The following ADAMTS17 variants were observed in gnomAD, a reference collection of about 807,000 sequenced individuals.
The protein encoded by ADAMTS17 is ADAM metallopeptidase with thrombospondin type 1 motif 17.
A neutral mutation model predicts 141.5 loss-of-function variants in ADAMTS17; 113 were observed. That is an observed-to-expected ratio of 0.80 (90% CI 0.69 to 0.93). The LOEUF is 0.93. Among genes scored for constraint, ADAMTS17 ranks in the 40% least tolerant of loss-of-function variants. The probability of loss-of-function intolerance (pLI) is 0.00; values close to 1 mark genes in which losing one functional copy is unlikely to be tolerated. For missense variants in ADAMTS17, 1,659 were observed against 1,517.9 expected (o/e 1.09, Z -1.54); for synonymous variants, 768 against 630.6 (o/e 1.22, Z -3.27).
chr15:99,977,505 C>T (rs1425810365), intron 20 of ADAMTS17, among the ~76,000 whole-genome samples: 1 of 146,962 alleles, frequency 6.8e-6, no homozygotes, highest in Non-Finnish European at 1.5e-5. Context: ...CCTCCACCTC[C>T]CTGGTTGAAG....
At chr15:100,227,960 C>G (rs2042361733) in intron 7 of ADAMTS17, among the ~76,000 whole-genome samples, 1 of 152,212 alleles carries the variant, frequency 6.6e-6, no homozygotes, top group South Asian at 2.1e-4. Context: ...CTGCAGTAAA[C>G]ATGGCCACGT....
chr15:100,061,288 G>A (rs923030383), intron 15 of ADAMTS17, among the ~76,000 whole-genome samples: 5 of 152,188 alleles, frequency 3.3e-5, no homozygotes, highest in African/African-American at 7.2e-5. Flanking sequence ...CCCTGGATGA[G>A]ACACCAAGCC....
intron 15 of ADAMTS17, among the ~76,000 whole-genome samples, chr15:100,060,187 G>A (rs1015320206): frequency 2.0e-5 from 3 of 152,204 alleles, no homozygotes; most frequent in African/African-American, 4.8e-5. Context: ...CATTTCGCCT[G>A]GGCCAGAGAT....
rs34003703 is a variant in ADAMTS17 at position 100,116,132 on chromosome 15, T to TAAAAAAAAAAAAAAA, written c.1888+700_1888+714dup. 3.9e-4 allele frequency among the ~76,000 whole-genome samples: 33 copies of TAAAAAAAAAAAAAAA among 84,780 alleles called. 1 individual carries two copies. The highest frequency in any genetic ancestry group is 2.0e-3 in the South Asian group (4 of 2,030). The allele number at this position is 84,780 out of a possible 152,430, so 55.6% of individuals were successfully genotyped here. A position where few individuals can be genotyped will look rare whatever the true frequency, so the allele number is the denominator to read the frequency against. On this transcript the variant is annotated intron_variant, in intron 13 of 21. Coordinates refer to ENST00000268070, the MANE Select transcript of ADAMTS17 (RefSeq NM_139057.4). ...TTTCCTAAAGAAGAACAGTTTTAGG[T>TAAAAAAAAAAAAAAA]AAAAAAAAAAAAAAAAAAAAAAAAA...
At chr15:100,126,676 T>C (rs532986366) in intron 12 of ADAMTS17, among the ~76,000 whole-genome samples, 30 of 152,194 alleles carry the variant, frequency 2.0e-4, no homozygotes, top group Non-Finnish European at 4.0e-4. Context: ...GAAAAAATGA[T>C]ATTAGGGATG....
intron 20 of ADAMTS17, chr15:99,979,552 C>G (rs2060440608): frequency 6.6e-6 from 1 of 152,042 alleles, no homozygotes; most frequent in African/African-American, 2.4e-5. Flanking sequence ...CGCCAATCCC[C>G]TGCAAAACCA....
intron 3 of ADAMTS17, among the ~76,000 whole-genome samples, chr15:100,317,984 G>T (rs535943181): frequency 6.6e-6 from 1 of 152,120 alleles, no homozygotes; most frequent in Non-Finnish European, 1.5e-5. Flanking sequence ...TTTCAGTAGC[G>T]ACCCGAATGC....
chr15:100,173,147 T>C (rs535705505), intron 8 of ADAMTS17, among the ~76,000 whole-genome samples: 2 of 152,342 alleles, frequency 1.3e-5, no homozygotes, highest in South Asian at 2.1e-4. Context: ...CTTGCACTAT[T>C]TTAACCCAGT....
chr15:99,977,401 ATTTTTTTTTTTT>A (rs71151928), intron 20 of ADAMTS17, among the ~76,000 whole-genome samples: 4 of 5,158 alleles, frequency 7.8e-4, no homozygotes, highest in Non-Finnish European at 1.1e-3. Context: ...TATATATATA[ATTTTTTTTTTTT>A]TTTTTTTTTT....
chr15:100,261,611 C>G lies in ADAMTS17; in HGVS notation c.899G>C (p.Gly300Ala). 2 of 1,613,960 alleles carry G rather than the reference C, an allele frequency of 1.2e-6. No individual in the cohort carries two copies. The highest frequency in any genetic ancestry group is 1.7e-6 in the Non-Finnish European group (2 of 1,179,944). Residue 300 changes from glycine to alanine, a missense_variant, in exon 6 of 22, where the codon GGT becomes GCT. Gly to Ala is a moderately conservative substitution (Grantham distance 60). Coordinates refer to ENST00000268070, the MANE Select transcript of ADAMTS17 (RefSeq NM_139057.4). ...RPAKLSIGHH[G>A]ERSLESFCHW... is the part of the protein sequence containing the mutation. ...ACAGAAGCTCTCCAGGGACCGCTCA[C>G]CATGGTGCCCAATGGACAACTTAGC...
At chr15:100,156,923 TAA>T (rs1438810548) in intron 8 of ADAMTS17, among the ~76,000 whole-genome samples, 1 of 152,242 alleles carries the variant, frequency 6.6e-6, no homozygotes, top group Non-Finnish European at 1.5e-5. Flanking sequence ...CACACTGCTA[TAA>T]AGTGTTTCAC....
At chr15:100,056,610 G>A (rs1244574438) in intron 15 of ADAMTS17, among the ~76,000 whole-genome samples, 4 of 152,152 alleles carry the variant, frequency 2.6e-5, no homozygotes, top group African/African-American at 7.2e-5. Context: ...GACAGGAGGC[G>A]CAGCTCAGGC....
intron 18 of ADAMTS17, among the ~76,000 whole-genome samples, chr15:100,042,218 T>TA (rs1262633968): frequency 6.6e-6 from 1 of 152,216 alleles, no homozygotes; most frequent in East Asian, 1.9e-4. Flanking sequence ...TTTCTTCACT[T>TA]ACTAGCATGA....
chr15:100,066,701 A>G (rs1229711797), intron 15 of ADAMTS17, among the ~76,000 whole-genome samples: 1 of 152,184 alleles, frequency 6.6e-6, no homozygotes, highest in Non-Finnish European at 1.5e-5. Flanking sequence ...GATACAGAGA[A>G]GGCAACCATC....
chr15:100,222,267 C>G (rs2042157396), intron 7 of ADAMTS17, among the ~76,000 whole-genome samples: 1 of 152,184 alleles, frequency 6.6e-6, no homozygotes, highest in South Asian at 2.1e-4. Flanking sequence ...TTCATGCAGA[C>G]AGTTCTCTGC....
chr15:100,024,763 T>A (rs780108427), intron 18 of ADAMTS17, among the ~76,000 whole-genome samples: 3 of 152,186 alleles, frequency 2.0e-5, no homozygotes, highest in Non-Finnish European at 4.4e-5. Flanking sequence ...AGCTGTTCCT[T>A]AAGAGGCAGC....
chr15:100,227,510 T>C (rs529737618), intron 7 of ADAMTS17, among the ~76,000 whole-genome samples: 9 of 152,328 alleles, frequency 5.9e-5, no homozygotes, highest in African/African-American at 1.7e-4. Context: ...CGAGACACCA[T>C]TGCTCAACAC....
intron 8 of ADAMTS17, among the ~76,000 whole-genome samples, chr15:100,167,717 A>G (rs2040004349): frequency 6.6e-6 from 1 of 152,262 alleles, no homozygotes; most frequent in Non-Finnish European, 1.5e-5. Flanking sequence ...TTCATCTGCT[A>G]CAAAAGCGCG....
rs1164353969 is a variant in ADAMTS17 at position 100,140,484 on chromosome 15, C to CATATATATATATATATATATATATAT, written c.1474-7170_1474-7169insATATATATATATATATATATATATAT. On this transcript the variant is annotated intron_variant, in intron 10 of 21. Transcript: ENST00000268070. ...ACACACACACAGACACACACACATA[C>CATATATATATATATATATATATATAT]ATACATATATATATATATATATATC... is the stretch of plus-strand genomic sequence containing the variant. 3.5e-3 allele frequency among the ~76,000 whole-genome samples: 144 copies of CATATATATATATATATATATATATAT among 40,746 alleles called. 2 individuals carry two copies. The highest frequency in any genetic ancestry group is 0.02 in the Middle Eastern group (1 of 50). The allele number at this position is 40,746 out of a possible 152,430, so 26.7% of individuals were successfully genotyped here. A position where few individuals can be genotyped will look rare whatever the true frequency, so the allele number is the denominator to read the frequency against.
Sources: allele counts gnomAD v4.1 joint callset (sites outside exome capture counted in the v4.1 genomes callset), GRCh38; gene constraint gnomAD v4.1.1; transcripts MANE v1.5; gene names NCBI Gene and HGNC (gene_info 2026-07-23, HGNC 2026-07-21).